VSX1: variants seen among roughly 807,000 people sequenced by gnomAD.
VSX1 encodes homeodomain protein RINX.
A neutral mutation model predicts 23.6 loss-of-function variants in VSX1; 23 were observed. The ratio of observed to expected loss-of-function variants is 0.97; its 90% CI spans 0.70 to 1.38. The LOEUF is 1.38. Among genes scored for constraint, VSX1 ranks in the 40% most tolerant of loss-of-function variants. The probability of loss-of-function intolerance (pLI) is 0.00; values close to 1 mark genes in which losing one functional copy is unlikely to be tolerated. For synonymous variants in VSX1, 247 were observed against 215.1 expected, an observed-to-expected ratio of 1.15 and a Z score of -1.30; for missense variants, 517 against 495.4, an observed-to-expected ratio of 1.04 and a Z score of -0.41.
At chr20:25,071,467 C>A (rs554665574), downstream of VSX1, 1 of 451,700 alleles carries the variant, frequency 2.2e-6, no homozygotes, top group South Asian at 1.6e-5. Flanking sequence ...TGAGACCCTG[C>A]CCTAACACTC....
In VSX1 at chr20:25,081,677, C is replaced by A; in HGVS notation, c.420G>T (p.Thr140=). Residue 140 remains threonine (T), a synonymous_variant, in exon 1 of 5, where the codon ACG becomes ACT. Transcript: ENST00000376709. The part of the protein sequence containing the change: ...GRQKRSDSVS[T]SDEDSQSEDR... The stretch of plus-strand genomic sequence containing the variant: ...GGAAAGCGCGGGCCTGATTACCGGA[C>A]GTGGAGACGCTGTCGCTGCGCTTCT... 6.6e-7 allele frequency: 1 copy of A among 1,517,790 alleles called. No individual in the cohort carries two copies. The highest frequency in any genetic ancestry group is 2.5e-5 in the East Asian group (1 of 39,218). The allele number at this position is 1,517,790 out of a possible 1,614,324, so 94.0% of individuals were successfully genotyped here.
intron 1 of VSX1, 24 bp from the exon 2 acceptor site, chr20:25,079,538 G>A: frequency 1.9e-6 from 3 of 1,597,174 alleles, no homozygotes; most frequent in Non-Finnish European, 8.6e-7. Context: ...AAGAAGAAGA[G>A]GACTTTAAGG....
chr20:25,077,242 A>C (rs1309775850), intron 4 of VSX1, among the ~76,000 whole-genome samples: 1 of 152,188 alleles, frequency 6.6e-6, no homozygotes, highest in African/African-American at 2.4e-5. Flanking sequence ...CAGGTTGTTC[A>C]TGGCAGAACC....
chr20:25,071,118 A>C, downstream of VSX1: 1 of 454,112 alleles, frequency 2.2e-6, no homozygotes, highest in Non-Finnish European at 4.4e-6. Context: ...ACAGCTGGTG[A>C]CTTAGAGGGT....
chr20:25,079,454 C>T lies in VSX1; in HGVS notation c.485G>A (p.Arg162Lys), dbSNP rs371672721. The T allele has an allele frequency of 2.9e-5, 47 of 1,612,636 alleles. 1 individual carries two copies. In the East Asian group the frequency reaches 8.2e-4, roughly 28 times the overall value. Residue 162 changes from arginine to lysine, a missense_variant, in exon 2 of 5, where the codon AGG (arginine) becomes AAG (lysine). Arg to Lys is a conservative substitution (Grantham distance 26). Coordinates refer to ENST00000376709, the MANE Select transcript of VSX1 (RefSeq NM_014588.6). ...CCTATACCTGTGCCGCCGCTTCTTC[C>T]TCTTGCCCAAGGTGGGGGATGCCTT... is the stretch of plus-strand genomic sequence containing the variant. ...DLKASPTLGK[R>K]KKRRHRTVFT...
chr20:25,081,177 A>G (rs58747756), intron 1 of VSX1, among the ~76,000 whole-genome samples: 45,132 of 152,120 alleles, frequency 0.3, 7,779 homozygotes, highest in African/African-American at 0.46. Flanking sequence ...TCAGCACCCC[A>G]AGGGGCGGAC....
At chr20:25,071,194 CA>C, downstream of VSX1, 1 of 453,532 alleles carries the variant, frequency 2.2e-6, no homozygotes. Flanking sequence ...GCTGCAAACT[CA>C]CATGGGTGCC....
At chr20:25,072,692 G>T, downstream of VSX1, 1 of 470,944 alleles carries the variant, frequency 2.1e-6, no homozygotes, top group African/African-American at 2.0e-5. Flanking sequence ...ATTGACCACA[G>T]AAAACAATTG....
downstream of VSX1, among the ~76,000 whole-genome samples, chr20:25,074,839 G>A (rs2089452349): frequency 6.6e-6 from 1 of 152,296 alleles, no homozygotes; most frequent in African/African-American, 2.4e-5. Flanking sequence ...CTGGGAGGCA[G>A]AACCTGTGTG....
At chr20:25,080,766 G>A (rs909420279) in intron 1 of VSX1, among the ~76,000 whole-genome samples, 93 of 152,156 alleles carry the variant, frequency 6.1e-4, no homozygotes, top group African/African-American at 2.2e-3. Context: ...CTTACGTAGA[G>A]CTCATGAAAT....
chr20:25,079,636 C>T, intron 1 of VSX1, 122 bp from the exon 2 acceptor site: 1 of 1,018,858 alleles, frequency 9.8e-7, no homozygotes, highest in Non-Finnish European at 1.5e-6. Flanking sequence ...ACAGTATGAG[C>T]CAGCATTTTT....
At chr20:25,073,000 T>C (rs1331088814), downstream of VSX1, among the ~76,000 whole-genome samples, 4 of 152,338 alleles carry the variant, frequency 2.6e-5, no homozygotes, top group South Asian at 6.2e-4. Context: ...GCTGTCAGTC[T>C]GTAGCCAGAT....
At position 25,079,574 on chromosome 20, in the gene VSX1, G is replaced by T. The variant is rs576472506; in HGVS notation, c.425-60C>A. ...GTGATCATATCCCCTCTATTTCCTG[G>T]ATTTTAATGTGAGGATTGAAGTTAT... On this transcript the variant is annotated intron_variant, in intron 1 of 4. Transcript: ENST00000376709. 9.1e-5 allele frequency: 140 copies of T among 1,535,970 alleles called. No individual in the cohort carries two copies. The South Asian group carries it at 1.5e-3, about 17-fold the overall frequency.
intron 2 of VSX1, 84 bp downstream of exon 2, chr20:25,079,352 C>A: frequency 1.4e-6 from 2 of 1,383,892 alleles, no homozygotes; most frequent in South Asian, 1.3e-5. Flanking sequence ...TCATGCCGGG[C>A]CATAAATTCT....
downstream of VSX1, chr20:25,072,590 G>A: frequency 2.1e-6 from 1 of 471,120 alleles, no homozygotes; most frequent in Middle Eastern, 3.2e-4. Context: ...TCATCCATTT[G>A]ACAATCGGCT....
intron 4 of VSX1, among the ~76,000 whole-genome samples, 177 bp from the exon 5 acceptor site, chr20:25,076,727 G>T (rs373164012): frequency 2.6e-5 from 4 of 152,210 alleles, no homozygotes; most frequent in African/African-American, 9.6e-5. Flanking sequence ...TTTAAAGCAG[G>T]TGTCTGACCC....
intron 1 of VSX1, among the ~76,000 whole-genome samples, chr20:25,081,012 C>A (rs1267720521): frequency 6.6e-6 from 1 of 152,230 alleles, no homozygotes; most frequent in African/African-American, 2.4e-5. Context: ...TCTCTTTCCC[C>A]GCGACCCGTC....
Position 25,077,800 on chromosome 20 carries a change from C to T in VSX1, c.693G>A (p.Val231=). 1.3e-6 allele frequency: 2 copies of T among 1,551,304 alleles called. No homozygotes were observed. Among genetic ancestry groups the T allele is most frequent in the Non-Finnish European group, 1.7e-6 (2 of 1,147,066 alleles). ...CCCCGTACAGCCCGTACTCGGCCAT[C>T]ACGCTGCTGCCGCCCCAGCGCTTCT... ...KREKRWGGSS[V]MAEYGLYGAM... The change falls in exon 4 of 5, where the codon GTG becomes GTA. Residue 231 remains valine (V), a synonymous_variant. Coordinates refer to ENST00000376709, the MANE Select transcript of VSX1 (RefSeq NM_014588.6).
At chr20:25,073,892 T>A (rs1475795409), downstream of VSX1, among the ~76,000 whole-genome samples, 1 of 152,176 alleles carries the variant, frequency 6.6e-6, no homozygotes, top group African/African-American at 2.4e-5. Context: ...GAGCTCCTGG[T>A]CCTTGCACAG....
Sources: allele counts gnomAD v4.1 joint callset (sites outside exome capture counted in the v4.1 genomes callset), GRCh38; gene constraint gnomAD v4.1.1; transcripts MANE v1.5; gene names NCBI Gene and HGNC (gene_info 2026-07-23, HGNC 2026-07-21).